CCDC112: variants seen among roughly 807,000 people sequenced by gnomAD.
CCDC112 encodes the protein coiled-coil domain containing 112, also known as coiled-coil domain-containing protein 112.
A neutral mutation model predicts 66.3 loss-of-function variants in CCDC112; 40 were observed. The observed-to-expected ratio is 0.60, with a 90% CI of 0.47 to 0.79. The LOEUF (loss-of-function observed/expected upper bound fraction) is 0.79, where lower values mean the gene tolerates loss of function less well. CCDC112 is among the 30% of genes least tolerant of loss of function. The pLI is 0.00. For missense variants in CCDC112, 659 were observed against 603.8 expected (o/e 1.09, Z -0.96); for synonymous variants, 214 against 197.2 (o/e 1.09, Z -0.71).
chr5:115,296,324 C>A (rs1750154611), intron 1 of CCDC112, 103 bp downstream of exon 1: 39 of 1,352,320 alleles, frequency 2.9e-5, no homozygotes, highest in South Asian at 8.9e-5. Context: ...GCAGGGGAGG[C>A]GAACGCCGCG....
intron 6 of CCDC112, among the ~76,000 whole-genome samples, chr5:115,274,362 A>G (rs1428887581): frequency 1.3e-5 from 2 of 152,178 alleles, no homozygotes; most frequent in Non-Finnish European, 2.9e-5. Context: ...CCAGAGTAAT[A>G]TTTTTGTAAA....
At chr5:115,269,968 C>T (rs1437368029) in intron 7 of CCDC112, among the ~76,000 whole-genome samples, 170 bp from the exon 8 acceptor site, 1 of 152,056 alleles carries the variant, frequency 6.6e-6, no homozygotes, top group Non-Finnish European at 1.5e-5. Flanking sequence ...AATGTTAACA[C>T]ATGCACATCC....
chr5:115,294,806 A>C (rs2127080431), intron 1 of CCDC112, among the ~76,000 whole-genome samples: 1 of 152,340 alleles, frequency 6.6e-6, no homozygotes, highest in African/African-American at 2.4e-5. Flanking sequence ...AAGTACAAAA[A>C]TGGATAACAT....
chr5:115,274,269 C>A (rs1345796985), intron 6 of CCDC112, among the ~76,000 whole-genome samples: 1 of 152,124 alleles, frequency 6.6e-6, no homozygotes, highest in African/African-American at 2.4e-5. Flanking sequence ...CTATAATGCA[C>A]AGAACAGGCC....
chr5:115,296,409 C>G lies in CCDC112; in HGVS notation c.117+18G>C, dbSNP rs572496649. On this transcript the variant is annotated intron_variant, in intron 1 of 9. Transcript: ENST00000379611. ...CCTCGCCTGCCGCCAGAGCAGCTCTCGGTTCTCCCGGATTTACCTGTTGAG... is the reference window on the plus strand; with the variant it reads ...CCTCGCCTGCCGCCAGAGCAGCTCTGGGTTCTCCCGGATTTACCTGTTGAG... 5.2e-5 allele frequency: 82 copies of G among 1,565,180 alleles called. No homozygotes were observed. The highest frequency in any genetic ancestry group is 6.8e-5 in the Non-Finnish European group (79 of 1,164,760).
rs193174340 is a variant in CCDC112, at chr5:115,270,946, T to C, written c.1332+267A>G. 5.3e-5 allele frequency among the ~76,000 whole-genome samples: 8 copies of C among 152,220 alleles called. No individual in the cohort carries two copies. The East Asian group carries it at 1.5e-3, about 29-fold the overall frequency. ...TCTGCCACTCATAGCTGTGGTAGCG[T>C]CCCTCCCTGTACTCCCTCCTAAGTA... On this transcript the variant is annotated intron_variant, in intron 7 of 9. Transcript: ENST00000379611.
intron 3 of CCDC112, among the ~76,000 whole-genome samples, chr5:115,279,397 T>C (rs1055277863): frequency 6.6e-6 from 1 of 152,160 alleles, no homozygotes; most frequent in Non-Finnish European, 1.5e-5. Context: ...CTCTCTTTCT[T>C]GTTATATTGG....
At chr5:115,285,576 T>C (rs773474339) in intron 1 of CCDC112, among the ~76,000 whole-genome samples, 1 of 151,954 alleles carries the variant, frequency 6.6e-6, no homozygotes, top group Non-Finnish European at 1.5e-5. Context: ...AATTGTGTCA[T>C]GAGATTAGTA....
rs148058501 is a variant in CCDC112, at chr5:115,275,382, T to A, written c.752A>T (p.Asp251Val). The part of the protein sequence containing the change: ...QQTGGRQGAW[D>V]DYDHQNFVKV... ...TACAAAGTTCTGGTGATCATAATCATCCCAGGCACCTTGTCGCCCTCCTGT... is the reference window on the plus strand; with the variant it reads ...TACAAAGTTCTGGTGATCATAATCAACCCAGGCACCTTGTCGCCCTCCTGT... The change falls in exon 6 of 10, where the codon GAT becomes GTT. Residue 251 changes from aspartate (D) to valine (V), a missense_variant. Coordinates refer to ENST00000379611, the MANE Select transcript of CCDC112 (RefSeq NM_001040440.3). The A allele has an allele frequency of 1.0e-4, 166 of 1,613,976 alleles. No homozygotes were observed. The highest frequency in any genetic ancestry group is 1.4e-4 in the Non-Finnish European group (161 of 1,179,998).
intron 2 of CCDC112, among the ~76,000 whole-genome samples, chr5:115,280,806 G>A (rs1749422803): frequency 6.6e-6 from 1 of 151,676 alleles, no homozygotes; most frequent in Non-Finnish European, 1.5e-5. Context: ...TGCCCACCTC[G>A]GCCTCCCAAA....
chr5:115,296,046 G>T, intron 1 of CCDC112: 1 of 1,001,286 alleles, frequency 1.0e-6, no homozygotes. Flanking sequence ...ACTGAGCACA[G>T]AGTCCCCCTC....
chr5:115,283,466 C>G (rs1749541265), intron 2 of CCDC112, among the ~76,000 whole-genome samples: 1 of 152,094 alleles, frequency 6.6e-6, no homozygotes, highest in Non-Finnish European at 1.5e-5. Flanking sequence ...CTTAAATATT[C>G]TCAACCCTTC....
At chr5:115,289,743 T>C (rs1010355108) in intron 1 of CCDC112, among the ~76,000 whole-genome samples, 1 of 152,230 alleles carries the variant, frequency 6.6e-6, no homozygotes, top group Admixed American at 6.5e-5. Context: ...AGCGGCTTAA[T>C]CCCGGCTCAC....
Position 115,275,130 on chromosome 5 carries a change from G to A in CCDC112, c.918+86C>T. The A allele has an allele frequency of 2.9e-6, 3 of 1,023,760 alleles. 1 individual carries two copies. The highest frequency in any genetic ancestry group is 4.2e-6 in the Non-Finnish European group (3 of 716,448). The allele number at this position is 1,023,760 out of a possible 1,614,324, so 63.4% of individuals were successfully genotyped here. On this transcript the variant is annotated intron_variant, in intron 6 of 9. Transcript: ENST00000379611. ...TATAAACACACTTCATGGGATTGCT[G>A]TAAAGTTAATGAGACATGTTAAGTG...
chr5:115,267,252 A>G lies in CCDC112; in HGVS notation c.*624T>C, dbSNP rs1580791250. ...CAGAAAGGCTGAAGGAAAATTTGGA[A>G]TTGCTGAAGGAAACCAAAAAGATTA... On this transcript the variant is annotated 3_prime_UTR_variant, in exon 10 of 10. Transcript: ENST00000379611. 6.6e-6 allele frequency: 1 copy of G among 152,334 alleles called. No individual in the cohort carries two copies. The highest frequency in any genetic ancestry group is 1.9e-4 in the East Asian group (1 of 5,190). 9.4% of individuals were successfully genotyped at this position (152,334 alleles called of 1,614,324 possible). A position where few individuals can be genotyped will look rare whatever the true frequency, so the allele number is the denominator to read the frequency against.
intron 6 of CCDC112, among the ~76,000 whole-genome samples, chr5:115,272,863 A>G (rs921068980): frequency 2.0e-5 from 3 of 152,210 alleles, no homozygotes; most frequent in African/African-American, 7.2e-5. Flanking sequence ...TACTCAAAAT[A>G]CCAGTCTGCA....
Position 115,279,742 on chromosome 5 carries a change from T to C in CCDC112, c.266A>G (p.His89Arg), listed in dbSNP as rs527323342. 34 of 1,533,032 alleles carry C rather than the reference T, an allele frequency of 2.2e-5. No homozygotes were observed. Among genetic ancestry groups the C allele is most frequent in the South Asian group, 1.8e-4 (16 of 89,148 alleles). 95.0% of individuals were successfully genotyped at this position (1,533,032 alleles called of 1,614,324 possible). ...ACTTTTTTGGTTGTAGAAATGACTG[T>C]GTTTATCTTTTTCCATGTTAATTAC... ...NQVINMEKDK[H>R]SHFYNQKSDF... Residue 89 changes from histidine to arginine, a missense_variant, in exon 3 of 10, where the codon CAC (histidine) becomes CGC (arginine). Physicochemically the swap from His to Arg is conservative, Grantham distance 29 (BLOSUM62 0). Transcript: ENST00000379611.
intron 3 of CCDC112, 83 bp downstream of exon 3, chr5:115,279,564 T>A: frequency 3.8e-6 from 5 of 1,324,856 alleles, no homozygotes; most frequent in Non-Finnish European, 5.4e-6. Context: ...CACAATACAG[T>A]CAATGCACAA....
Position 115,267,317 on chromosome 5 carries a change from T to G in CCDC112, c.*559A>C, listed in dbSNP as rs533366485. Reference sequence around the variant, plus strand: ...TTAATAGGGTATATGAGAGACATATTTTTAAAATAAATATTCTCTATATAA... The same window carrying G: ...TTAATAGGGTATATGAGAGACATATGTTTAAAATAAATATTCTCTATATAA... On this transcript the variant is annotated 3_prime_UTR_variant, in exon 10 of 10. Coordinates refer to ENST00000379611, the MANE Select transcript of CCDC112 (RefSeq NM_001040440.3). 1 of 152,812 alleles carries G rather than the reference T, an allele frequency of 6.5e-6. No homozygotes were observed. The highest frequency in any genetic ancestry group is 2.1e-4 in the South Asian group (1 of 4,848). 9.5% of individuals were successfully genotyped at this position (152,812 alleles called of 1,614,324 possible). A position where few individuals can be genotyped will look rare whatever the true frequency, so the allele number is the denominator to read the frequency against.
Sources: allele counts gnomAD v4.1 joint callset (sites outside exome capture counted in the v4.1 genomes callset), GRCh38; gene constraint gnomAD v4.1.1; transcripts MANE v1.5; gene names NCBI Gene and HGNC (gene_info 2026-07-23, HGNC 2026-07-21).